The following CASZ1 variants were observed in gnomAD, a reference collection of about 807,000 sequenced individuals.
The protein encoded by CASZ1 is castor zinc finger 1, also known as zinc finger protein castor homolog 1.
Under a neutral mutation model 135.2 loss-of-function variants are expected in CASZ1, and 28 were observed. The ratio of observed to expected loss-of-function variants is 0.21; its 90% CI spans 0.15 to 0.28. The LOEUF (loss-of-function observed/expected upper bound fraction) is 0.28, where lower values mean the gene tolerates loss of function less well. CASZ1 is among the 10% of genes least tolerant of loss of function. The pLI, the probability that CASZ1 is intolerant of heterozygous loss-of-function variation, is 1.00. For synonymous variants in CASZ1, 1,068 were observed against 1,073.4 expected, an observed-to-expected ratio of 0.99 and a Z score of 0.10; for missense variants, 2,161 against 2,453.3, an observed-to-expected ratio of 0.88 and a Z score of 2.52.
rs1402941833 is a variant in CASZ1 at position 10,660,461 on chromosome 1, T to C, written c.581A>G (p.Gln194Arg). ...CCTGGCCAGCTCGTCCCGCGTGTTCTGGTCATCATAGCCAAACATGCCGAG... is the reference window on the plus strand; with the variant it reads ...CCTGGCCAGCTCGTCCCGCGTGTTCCGGTCATCATAGCCAAACATGCCGAG... ...EFLGMFGYDD[Q>R]NTRDELARKI... Residue 194 changes from glutamine (Q) to arginine (R), a missense_variant, in exon 6 of 21, where the codon CAG becomes CGG. This residue lies in a region of CASZ1 where 590 missense variants were observed against 609.8 expected (regional missense o/e 0.97). Transcript: ENST00000377022. 1.9e-6 allele frequency: 3 copies of C among 1,614,052 alleles called. No individual in the cohort carries two copies. The highest frequency in any genetic ancestry group is 2.5e-6 in the Non-Finnish European group (3 of 1,180,018).
In CASZ1 at chr1:10,709,492, C is replaced by T. The variant is rs1017800633; in HGVS notation, c.-76-3948G>A. Among the ~76,000 whole-genome samples, 5 of 152,164 alleles carry T rather than the reference C, an allele frequency of 3.3e-5. No individual in the cohort carries two copies. Among genetic ancestry groups the T allele is most frequent in the African/African-American group, 4.8e-5 (2 of 41,422 alleles). ...CTGTATTGAGGAGCTGTCAGGAGCC[C>T]GAGTGAGAGTCTCACTACCCCGGGA... On this transcript the variant is annotated intron_variant, in intron 2 of 20. Transcript: ENST00000377022. The surrounding 1 kb of genome is among the most constrained non-coding windows in gnomAD (Gnocchi z 5.1).
chr1:10,691,415 G>C (rs1036467199), intron 4 of CASZ1, among the ~76,000 whole-genome samples: 1 of 152,162 alleles, frequency 6.6e-6, no homozygotes, highest in Admixed American at 6.5e-5. Flanking sequence ...TCCCACCACT[G>C]ACTTCCTCAT....
chr1:10,791,744 G>GGA (rs34741257), intron 1 of CASZ1, among the ~76,000 whole-genome samples: 19 of 151,168 alleles, frequency 1.3e-4, no homozygotes, highest in Non-Finnish European at 2.7e-4. Context: ...AAAAAGAGGG[G>GGA]GAGAGAGAGA....
rs1270993746 is a variant in CASZ1, at chr1:10,776,555, G to A, written c.-233-15698C>T. On this transcript the variant is annotated intron_variant, in intron 1 of 20. Coordinates refer to ENST00000377022, the MANE Select transcript of CASZ1 (RefSeq NM_001079843.3). The surrounding 1 kb of genome is among the most constrained non-coding windows in gnomAD (Gnocchi z 4.1). ...AGACACATCCAGACAGGCAGTGATCGATAAGCAGGTGCATGGGGCATGGGT... is the reference window on the plus strand; with the variant it reads ...AGACACATCCAGACAGGCAGTGATCAATAAGCAGGTGCATGGGGCATGGGT... Among the ~76,000 whole-genome samples the A allele has an allele frequency of 6.6e-6, 1 of 152,228 alleles. No homozygotes were observed. The highest frequency in any genetic ancestry group is 2.4e-5 in the African/African-American group (1 of 41,460).
intron 2 of CASZ1, among the ~76,000 whole-genome samples, chr1:10,734,658 GA>G (rs1162788571): frequency 3.3e-5 from 5 of 151,578 alleles, no homozygotes; most frequent in Admixed American, 6.6e-5. Flanking sequence ...TTTAAGTAAA[GA>G]AAAAAAGAGA....
At chr1:10,729,247 C>A (rs1286151883) in intron 2 of CASZ1, among the ~76,000 whole-genome samples, 1 of 152,016 alleles carries the variant, frequency 6.6e-6, no homozygotes, top group East Asian at 1.9e-4. Context: ...CCTGCGCTGG[C>A]GCTAATGGGA....
Position 10,694,744 on chromosome 1 carries a change from A to G in CASZ1, c.-23-832T>C, listed in dbSNP as rs1335383159. On this transcript the variant is annotated intron_variant, in intron 3 of 20. Coordinates refer to ENST00000377022, the MANE Select transcript of CASZ1 (RefSeq NM_001079843.3). The surrounding 1 kb of genome is among the most constrained non-coding windows in gnomAD (Gnocchi z 6.6). The stretch of plus-strand genomic sequence containing the variant: ...CCGCACTGGCAGGGCGGCCGGCTCC[A>G]TTGGCTCTGCGATTCCCCAAACCTC... Among the ~76,000 whole-genome samples the G allele has an allele frequency of 1.4e-5, 2 of 141,788 alleles. No homozygotes were observed. The highest frequency in any genetic ancestry group is 3.1e-5 in the Non-Finnish European group (2 of 63,966). 93.0% of individuals were successfully genotyped at this position (141,788 alleles called of 152,430 possible).
chr1:10,782,004 C>A (rs997355020), intron 1 of CASZ1, among the ~76,000 whole-genome samples: 12 of 152,234 alleles, frequency 7.9e-5, no homozygotes, highest in Non-Finnish European at 1.5e-4. Context: ...CCCTGAGGGG[C>A]CTCCCTGGCC....
chr1:10,768,797 C>T lies in CASZ1; in HGVS notation c.-233-7940G>A, dbSNP rs186929235. ...AGGGCAGGTGCCAGGAGGCAGAAAC[C>T]GCTGGTGACCAATCAGAGCCCAGAG... On this transcript the variant is annotated intron_variant, in intron 1 of 20. Transcript: ENST00000377022. Among the ~76,000 whole-genome samples, 226 of 152,300 alleles carry T rather than the reference C, an allele frequency of 1.5e-3. 2 individuals are homozygous for T. Among genetic ancestry groups the T allele is most frequent in the African/African-American group, 5.2e-3 (214 of 41,546 alleles).
At chr1:10,783,892 A>C (rs1640808777) in intron 1 of CASZ1, among the ~76,000 whole-genome samples, 1 of 150,652 alleles carries the variant, frequency 6.6e-6, no homozygotes, top group African/African-American at 2.5e-5. Flanking sequence ...AAAAAAAAAA[A>C]ACCTACAATT....
Position 10,665,360 on chromosome 1 carries a change from G to T in CASZ1, c.228C>A (p.Ala76=), listed in dbSNP as rs1643197222. ...RSGPESGAAR[A]PRSEEDKRRA... is the part of the protein sequence containing the mutation. ...GTCTCTTGTCTTCCTCGCTGCGGGG[G>T]GCCCGGGCTGCCCCAGACTCAGGGC... The change falls in exon 5 of 21, where the codon GCC becomes GCA. Residue 76 remains alanine, a synonymous_variant. Coordinates refer to ENST00000377022, the MANE Select transcript of CASZ1 (RefSeq NM_001079843.3). The T allele has an allele frequency of 6.2e-7, 1 of 1,611,450 alleles. No homozygotes were observed. The highest frequency in any genetic ancestry group is 8.5e-7 in the Non-Finnish European group (1 of 1,178,430).
At chr1:10,642,402 A>G (rs1424614495) in intron 20 of CASZ1, 1 of 159,036 alleles carries the variant, frequency 6.3e-6, no homozygotes, top group Non-Finnish European at 1.4e-5. Flanking sequence ...AAGAACCAAA[A>G]TGAGAAACCC....
intron 1 of CASZ1, among the ~76,000 whole-genome samples, chr1:10,773,308 C>T (rs1382080267): frequency 1.3e-5 from 2 of 151,266 alleles, no homozygotes; most frequent in Admixed American, 1.3e-4. Flanking sequence ...CCCCACACTC[C>T]GTTAGGCAGC....
intron 2 of CASZ1, among the ~76,000 whole-genome samples, chr1:10,728,011 T>C (rs772923469): frequency 4.6e-5 from 7 of 152,174 alleles, no homozygotes; most frequent in Non-Finnish European, 7.4e-5. Context: ...GAACGAGGGG[T>C]CCTACCACCG....
rs1487867221 is a variant in CASZ1, at chr1:10,762,064, C to T, written c.-233-1207G>A. On this transcript the variant is annotated intron_variant, in intron 1 of 20. Coordinates refer to ENST00000377022, the MANE Select transcript of CASZ1 (RefSeq NM_001079843.3). The surrounding 1 kb of genome is among the most constrained non-coding windows in gnomAD (Gnocchi z 4.1). The stretch of plus-strand genomic sequence containing the variant: ...AGGTTCTCCAACTTGGCCCGGCCCT[C>T]AGAGTCCCCGGAGGCCTTGCAGGAG... Among the ~76,000 whole-genome samples the T allele has an allele frequency of 6.6e-6, 1 of 152,220 alleles. No individual in the cohort carries two copies. Among genetic ancestry groups the T allele is most frequent in the Non-Finnish European group, 1.5e-5 (1 of 68,048 alleles).
chr1:10,680,909 CTT>C (rs1216704557), intron 4 of CASZ1, among the ~76,000 whole-genome samples: 1 of 151,612 alleles, frequency 6.6e-6, no homozygotes, highest in Non-Finnish European at 1.5e-5. Context: ...TTCTTTCTTT[CTT>C]TTTTTTGGAG....
chr1:10,660,760 T>C (rs1642997829), intron 5 of CASZ1: 3 of 555,162 alleles, frequency 5.4e-6, no homozygotes, highest in Non-Finnish European at 9.5e-6. Context: ...AACGAGTTCA[T>C]CAATGCCAGG....
chr1:10,780,847 C>T (rs1640750867), intron 1 of CASZ1, among the ~76,000 whole-genome samples: 1 of 152,202 alleles, frequency 6.6e-6, no homozygotes, highest in South Asian at 2.1e-4. Flanking sequence ...CTGCCAGGTA[C>T]AATGGGAATC....
intron 2 of CASZ1, among the ~76,000 whole-genome samples, chr1:10,740,161 A>G (rs1272686805): frequency 6.6e-6 from 1 of 152,200 alleles, no homozygotes; most frequent in Non-Finnish European, 1.5e-5. Flanking sequence ...TATGTCACAA[A>G]TTGGAAGAGT....
Sources: gnomAD v4.1 joint callset for allele counts (sites outside exome capture counted in the v4.1 genomes callset) on GRCh38, gnomAD v4.1.1 for gene constraint, gnomAD v4.1.1 regional missense constraint, Gnocchi (gnomAD v3.1) non-coding constraint, MANE v1.5 for transcripts, NCBI Gene and HGNC (gene_info 2026-07-23, HGNC 2026-07-21) for gene names.